Variants in NEK10 observed in about 807,000 individuals in gnomAD.
NEK10 encodes the protein serine/threonine-protein kinase Nek10.
NEK10 carries 122 observed loss-of-function variants against 159.8 expected under a neutral mutation model. The observed-to-expected ratio is 0.76, with a 90% CI of 0.66 to 0.89. The LOEUF (loss-of-function observed/expected upper bound fraction) is 0.89, where lower values mean the gene tolerates loss of function less well. NEK10 is among the 40% of genes least tolerant of loss of function. The probability of loss-of-function intolerance (pLI) is 0.00; values close to 1 mark genes in which losing one functional copy is unlikely to be tolerated. For synonymous variants in NEK10, 466 were observed against 457.1 expected (o/e 1.02, Z -0.25); for missense variants, 1,342 against 1,323.1 (o/e 1.01, Z -0.22).
At chr3:27,317,403 G>A (rs886236406) in intron 6 of NEK10, among the ~76,000 whole-genome samples, 2 of 152,158 alleles carry the variant, frequency 1.3e-5, no homozygotes, top group Admixed American at 6.5e-5. Flanking sequence ...CTTGTCACAG[G>A]CCAGAGGGCC....
chr3:27,269,462 C>T (rs1261414352), intron 22 of NEK10, among the ~76,000 whole-genome samples: 5 of 152,128 alleles, frequency 3.3e-5, no homozygotes, highest in Admixed American at 2.6e-4. Flanking sequence ...AAGTCATGAC[C>T]CTCCACCAGC....
intron 23 of NEK10, among the ~76,000 whole-genome samples, chr3:27,232,147 T>A (rs1953357175): frequency 6.6e-6 from 1 of 151,574 alleles, no homozygotes. Context: ...CGTGATATGA[T>A]CATATACGCA....
intron 11 of NEK10, among the ~76,000 whole-genome samples, chr3:27,307,164 A>G (rs1343145292): frequency 2.0e-5 from 3 of 152,210 alleles, no homozygotes; most frequent in Admixed American, 1.3e-4. Flanking sequence ...AACCAAGTCT[A>G]TAAGTATTAT....
intron 20 of NEK10, among the ~76,000 whole-genome samples, chr3:27,286,272 G>T (rs2638892): frequency 1.3e-5 from 2 of 150,230 alleles, no homozygotes; most frequent in Non-Finnish European, 1.5e-5. Context: ...ATTTTTAGTA[G>T]AGACGGGGTT....
intron 23 of NEK10, among the ~76,000 whole-genome samples, chr3:27,237,924 T>C (rs1394204928): frequency 6.6e-6 from 1 of 152,148 alleles, no homozygotes; most frequent in Non-Finnish European, 1.5e-5. Context: ...TAATACACCA[T>C]GCTTTCCGCA....
chr3:27,138,861 C>A (rs1943493403), intron 31 of NEK10, among the ~76,000 whole-genome samples: 1 of 152,152 alleles, frequency 6.6e-6, no homozygotes, highest in African/African-American at 2.4e-5. Flanking sequence ...GCCTTGGAAG[C>A]CCAAATAGCT....
intron 30 of NEK10, among the ~76,000 whole-genome samples, chr3:27,156,184 C>A (rs761980837): frequency 1.4e-4 from 22 of 152,138 alleles, no homozygotes; most frequent in Non-Finnish European, 2.5e-4. Flanking sequence ...TATAAAAATT[C>A]TAGAAGATCC....
At chr3:27,325,999 C>A (rs1449900301) in intron 5 of NEK10, among the ~76,000 whole-genome samples, 2 of 152,178 alleles carry the variant, frequency 1.3e-5, no homozygotes, top group African/African-American at 4.8e-5. Context: ...TTCAACCAAT[C>A]CCAAAACTGC....
chr3:27,301,620 A>G (rs992787622), intron 13 of NEK10, 76 bp downstream of exon 13: 16 of 1,201,514 alleles, frequency 1.3e-5, no homozygotes, highest in Middle Eastern at 1.9e-4. Context: ...ACTTAACACT[A>G]CTACACTAAT....
At position 27,241,551 on chromosome 3, in the gene NEK10, C is replaced by T. The variant is rs1954561082; in HGVS notation, c.2090+14745G>A. 2.0e-5 allele frequency among the ~76,000 whole-genome samples: 3 copies of T among 152,178 alleles called. No homozygotes were observed. The South Asian group carries it at 6.2e-4, about 32-fold the overall frequency. On this transcript the variant is annotated intron_variant, in intron 23 of 35. Coordinates refer to ENST00000691995, the MANE Select transcript of NEK10 (RefSeq NM_001394966.1). ...TCCTTTTGGGTATTCAAATAAATGG[C>T]TCCCAAGTACCTCAACAGATTTGAG...
chr3:27,339,358 A>G (rs531191814), intron 5 of NEK10, among the ~76,000 whole-genome samples: 5 of 152,334 alleles, frequency 3.3e-5, no homozygotes, highest in African/African-American at 7.2e-5. Flanking sequence ...ACAAGAAAAA[A>G]ACAAACAACC....
At chr3:27,317,566 A>G (rs1371313410) in intron 6 of NEK10, among the ~76,000 whole-genome samples, 1 of 152,204 alleles carries the variant, frequency 6.6e-6, no homozygotes, top group African/African-American at 2.4e-5. Context: ...ACTCAATAAT[A>G]TAATACTGGT....
Position 27,294,073 on chromosome 3 carries a change from CAT to C in NEK10, c.1309-423_1309-422del, listed in dbSNP as rs2043179294. On this transcript the variant is annotated intron_variant, in intron 15 of 35. Transcript: ENST00000691995. Reference sequence around the variant, plus strand: ...AGAAAATAAACACTAGAAATGATGACATATAAAAATAGCCGCAGGCACACTGG... The same window carrying C: ...AGAAAATAAACACTAGAAATGATGACATAAAAATAGCCGCAGGCACACTGG... Among the ~76,000 whole-genome samples the C allele has an allele frequency of 2.0e-5, 3 of 152,150 alleles. No homozygotes were observed. The South Asian group carries it at 6.2e-4, about 32-fold the overall frequency.
chr3:27,284,834 G>C lies in NEK10; in HGVS notation c.1911+6C>G, dbSNP rs190668831. The C allele has an allele frequency of 1.1e-5, 18 of 1,580,014 alleles. No individual in the cohort carries two copies. The Admixed American group carries it at 2.4e-4, about 21-fold the overall frequency. On this transcript the variant is annotated splice_donor_region_variant and intron_variant, in intron 21 of 35. Transcript: ENST00000691995. ...TAAGAAAAATTTAATGAAGATAAAAGCATACCTGTATAAATATTTTCCATA... is the reference window on the plus strand; with the variant it reads ...TAAGAAAAATTTAATGAAGATAAAACCATACCTGTATAAATATTTTCCATA...
chr3:27,198,619 TCTG>T (rs1435112922), intron 25 of NEK10, among the ~76,000 whole-genome samples: 2 of 152,010 alleles, frequency 1.3e-5, no homozygotes, highest in Non-Finnish European at 2.9e-5. Flanking sequence ...TTTACAAAAA[TCTG>T]AACTGAACCC....
intron 31 of NEK10, among the ~76,000 whole-genome samples, chr3:27,141,012 G>C (rs542877984): frequency 3.3e-5 from 5 of 152,196 alleles, no homozygotes; most frequent in Middle Eastern, 3.4e-3. Flanking sequence ...TTTTCTCAGT[G>C]CTAGGAATCA....
intron 24 of NEK10, among the ~76,000 whole-genome samples, chr3:27,202,078 G>C (rs1249158502): frequency 6.6e-6 from 1 of 152,150 alleles, no homozygotes; most frequent in Non-Finnish European, 1.5e-5. Context: ...TTGAGCCCAG[G>C]AGGCGGAGGT....
chr3:27,158,179 T>A (rs1324632124), intron 30 of NEK10, among the ~76,000 whole-genome samples: 1 of 152,172 alleles, frequency 6.6e-6, no homozygotes, highest in Non-Finnish European at 1.5e-5. Context: ...GCTTACAATC[T>A]GGTTGGAAAA....
intron 16 of NEK10, 34 bp from the exon 17 acceptor site, chr3:27,291,620 C>T (rs762958747): frequency 8.4e-6 from 10 of 1,196,206 alleles, no homozygotes; most frequent in Non-Finnish European, 1.0e-5. Context: ...TAAAGTAGAA[C>T]TTGGACACAG....
Sources: allele counts gnomAD v4.1 joint callset (sites outside exome capture counted in the v4.1 genomes callset), GRCh38; gene constraint gnomAD v4.1.1; transcripts MANE v1.5; gene names NCBI Gene and HGNC (gene_info 2026-07-23, HGNC 2026-07-21).